Variants in ZNF737 observed in about 807,000 individuals in gnomAD.
ZNF737 encodes the protein zinc finger protein 737, also known as zinc finger protein 102 (Y3).
ZNF737 carries 13 observed loss-of-function variants against 11.7 expected under a neutral mutation model. The observed-to-expected ratio is 1.11, with a 90% confidence interval of 0.73 to 1.77. The LOEUF is 1.77. Ranked by LOEUF, ZNF737 falls within the 40% of genes most tolerant of loss-of-function variation. The pLI is 0.00. For synonymous variants in ZNF737, 217 were observed against 216.2 expected, an observed-to-expected ratio of 1.00 and a Z score of -0.03; for missense variants, 636 against 638.0, an observed-to-expected ratio of 1.00 and a Z score of 0.03.
At position 20,541,113 on chromosome 19, in the gene ZNF737, TTA is replaced by T. The variant is rs782104328; in HGVS notation, c.*3477_*3478del. On this transcript the variant is annotated 3_prime_UTR_variant, in exon 4 of 4. Transcript: ENST00000427401. ...AATCCGAATCACAGGCCAGAACATT[TTA>T]TATTAATAAATTCAATACAAAGCAG... 1.0e-3 allele frequency: 998 copies of T among 983,836 alleles called. No individual in the cohort carries two copies. Among genetic ancestry groups the T allele is most frequent in the Non-Finnish European group, 1.2e-3 (974 of 828,576 alleles). The allele number at this position is 983,836 out of a possible 1,614,324, so 60.9% of individuals were successfully genotyped here. A position where few individuals can be genotyped will look rare whatever the true frequency, so the allele number is the denominator to read the frequency against.
At chr19:20,536,130 T>G, downstream of ZNF737, 1 of 984,802 alleles carries the variant, frequency 1.0e-6, no homozygotes, top group Non-Finnish European at 1.2e-6. Context: ...GGACAGCCAC[T>G]TCTCTGCAAT....
At chr19:20,557,486 T>TAAAAAAAAAAAAA (rs35068430) in intron 1 of ZNF737, among the ~76,000 whole-genome samples, 1 of 135,982 alleles carries the variant, frequency 7.4e-6, no homozygotes. Context: ...TAAGCTTACC[T>TAAAAAAAAAAAAA]AAAAAAAAAA....
Position 20,547,115 on chromosome 19 carries a change from C to T in ZNF737, c.227-1139G>A, listed in dbSNP as rs574833409. ...ACAGTAACATGGCCAGGCATGGTGG[C>T]TCATGCCTGTAATCCCAGCACTTTT... On this transcript the variant is annotated intron_variant, in intron 3 of 3. Transcript: ENST00000427401. 1.3e-5 allele frequency among the ~76,000 whole-genome samples: 2 copies of T among 152,218 alleles called. 1 individual carries two copies. The highest frequency in any genetic ancestry group is 4.1e-4 in the South Asian group (2 of 4,822).
intron 1 of ZNF737, among the ~76,000 whole-genome samples, chr19:20,559,057 G>A (rs181983064): frequency 6.6e-6 from 1 of 152,238 alleles, no homozygotes; most frequent in Admixed American, 6.5e-5. Flanking sequence ...TTAAATGTAA[G>A]CTTAAAATTA....
Position 20,540,562 on chromosome 19 carries a change from C to T in ZNF737, c.*4030G>A, listed in dbSNP as rs1306722988. 1.3e-5 allele frequency among the ~76,000 whole-genome samples: 2 copies of T among 152,122 alleles called. No individual in the cohort carries two copies. The highest frequency in any genetic ancestry group is 6.6e-5 in the Admixed American group (1 of 15,266). On this transcript the variant is annotated 3_prime_UTR_variant, in exon 4 of 4. Coordinates refer to ENST00000427401, the MANE Select transcript of ZNF737 (RefSeq NM_001159293.2). ...GATCATGAGGCCAGGAGTTTGGGAC[C>T]AGCCTGGCCAACATGATGAAACCCT...
At chr19:20,550,961 C>T (rs1427028611) in intron 3 of ZNF737, 1 of 152,232 alleles carries the variant, frequency 6.6e-6, no homozygotes, top group African/African-American at 2.4e-5. Context: ...AACTCCCAGC[C>T]ACAGTCTGGC....
rs1555756428 is a variant in ZNF737 at position 20,545,065 on chromosome 19, A to C, written c.1138T>G (p.Trp380Gly). 6.2e-7 allele frequency: 1 copy of C among 1,611,096 alleles called. No homozygotes were observed. Among genetic ancestry groups the C allele is most frequent in the African/African-American group, 1.3e-5 (1 of 74,356 alleles). The change falls in exon 4 of 4, where the codon TGG becomes GGG. Residue 380 changes from tryptophan to glycine, a missense_variant. Trp to Gly is a radical substitution (Grantham distance 184). Coordinates refer to ENST00000427401, the MANE Select transcript of ZNF737 (RefSeq NM_001159293.2). The part of the protein sequence containing the change: ...KCEECGKAFN[W>G]SSHLTTHKRI... Reference sequence around the variant, plus strand: ...TTATGTGTAGTAAGGTGTGAGGACCAGTTGAAGGCTTTGCCACATTCTTCA... The same window carrying C: ...TTATGTGTAGTAAGGTGTGAGGACCCGTTGAAGGCTTTGCCACATTCTTCA...
chr19:20,549,964 A>T (rs1968607350), intron 3 of ZNF737, among the ~76,000 whole-genome samples: 1 of 151,998 alleles, frequency 6.6e-6, no homozygotes, highest in African/African-American at 2.4e-5. Context: ...GATAACTGCA[A>T]TATTTAACTG....
rs147149428 is a variant in ZNF737 at position 20,544,362 on chromosome 19, C to T, written c.*230G>A. On this transcript the variant is annotated 3_prime_UTR_variant, in exon 4 of 4. Transcript: ENST00000427401. ...AAACTCACAGGGTTTCTCTCCAGTACGAATTATCTTATGTCTAGTAAGGGC... is the reference window on the plus strand; with the variant it reads ...AAACTCACAGGGTTTCTCTCCAGTATGAATTATCTTATGTCTAGTAAGGGC... 4.6e-3 allele frequency: 6,057 copies of T among 1,325,734 alleles called. 20 individuals carry two copies. The highest frequency in any genetic ancestry group is 5.2e-3 in the Non-Finnish European group (5,439 of 1,038,472). 82.1% of individuals were successfully genotyped at this position (1,325,734 alleles called of 1,614,324 possible).
chr19:20,558,720 C>T lies in ZNF737; in HGVS notation c.4-4885G>A, dbSNP rs139893111. Among the ~76,000 whole-genome samples the T allele has an allele frequency of 3.2e-3, 489 of 152,284 alleles. 3 individuals are homozygous for T. Among genetic ancestry groups the T allele is most frequent in the African/African-American group, 0.011 (469 of 41,564 alleles). ...AAGCAGAATTAACCACTCTTATCAG[C>T]CTAACACAATTCTGCTCTGAACATC... On this transcript the variant is annotated intron_variant, in intron 1 of 3. Coordinates refer to ENST00000427401, the MANE Select transcript of ZNF737 (RefSeq NM_001159293.2).
At position 20,540,035 on chromosome 19, in the gene ZNF737, T is replaced by C; in HGVS notation, c.*4557A>G. 1.0e-6 allele frequency: 1 copy of C among 985,430 alleles called. No individual in the cohort carries two copies. The highest frequency in any genetic ancestry group is 1.2e-6 in the Non-Finnish European group (1 of 829,928). The allele number at this position is 985,430 out of a possible 1,614,324, so 61.0% of individuals were successfully genotyped here. On this transcript the variant is annotated 3_prime_UTR_variant, in exon 4 of 4. Coordinates refer to ENST00000427401, the MANE Select transcript of ZNF737 (RefSeq NM_001159293.2). ...CTATCCCAGATGAGAGGTGATTATT[T>C]CTTGAATGAATGAGATTCCCTTTTT...
rs1397152528 is a variant in ZNF737, at chr19:20,538,276, T to C, written c.*6316A>G. On this transcript the variant is annotated 3_prime_UTR_variant, in exon 4 of 4. Transcript: ENST00000427401. ...GCCTAAATATTTGCCCTGGCATGCTTATACTAATCCAAGCAAGCATTAGGT... is the reference window on the plus strand; with the variant it reads ...GCCTAAATATTTGCCCTGGCATGCTCATACTAATCCAAGCAAGCATTAGGT... 6.6e-6 allele frequency among the ~76,000 whole-genome samples: 1 copy of C among 152,240 alleles called. No individual in the cohort carries two copies. Among genetic ancestry groups the C allele is most frequent in the Non-Finnish European group, 1.5e-5 (1 of 68,044 alleles).
At chr19:20,549,519 C>T (rs938017680) in intron 3 of ZNF737, among the ~76,000 whole-genome samples, 4 of 151,050 alleles carry the variant, frequency 2.6e-5, no homozygotes, top group African/African-American at 9.7e-5. Flanking sequence ...TCCCAGCTAC[C>T]CAGGAGGTCA....
chr19:20,544,786 T>C lies in ZNF737; in HGVS notation c.1417A>G (p.Arg473Gly). Residue 473 changes from arginine (R) to glycine (G), a missense_variant, in exon 4 of 4, where the codon AGA becomes GGA. Coordinates refer to ENST00000427401, the MANE Select transcript of ZNF737 (RefSeq NM_001159293.2). ...TAGGGTTTCTCTCCAGTATGAATTCTCTTATGTGCAGTAAGGTGTGAGGAC... is the reference window on the plus strand; with the variant it reads ...TAGGGTTTCTCTCCAGTATGAATTCCCTTATGTGCAGTAAGGTGTGAGGAC... ...NSSSHLTAHKRIHTGEKPYKC... is the reference protein window; with the variant it reads ...NSSSHLTAHKGIHTGEKPYKC... The C allele has an allele frequency of 6.2e-7, 1 of 1,609,248 alleles. No homozygotes were observed. The highest frequency in any genetic ancestry group is 8.5e-7 in the Non-Finnish European group (1 of 1,178,092).
At position 20,540,885 on chromosome 19, in the gene ZNF737, T is replaced by C. The variant is rs1968176572; in HGVS notation, c.*3707A>G. 5 of 960,696 alleles carry C rather than the reference T, an allele frequency of 5.2e-6. No individual in the cohort carries two copies. Among genetic ancestry groups the C allele is most frequent in the Non-Finnish European group, 6.2e-6 (5 of 807,396 alleles). 59.5% of individuals were successfully genotyped at this position (960,696 alleles called of 1,614,324 possible). ...ATAACTATTTTTCTGGCTTAAATTA[T>C]TTTTTATGCACCATTTATACATTCA... is the stretch of plus-strand genomic sequence containing the variant. On this transcript the variant is annotated 3_prime_UTR_variant, in exon 4 of 4. Coordinates refer to ENST00000427401, the MANE Select transcript of ZNF737 (RefSeq NM_001159293.2).
At position 20,543,467 on chromosome 19, in the gene ZNF737, T is replaced by C; in HGVS notation, c.*1125A>G. The C allele has an allele frequency of 2.0e-6, 2 of 985,444 alleles. No individual in the cohort carries two copies. Among genetic ancestry groups the C allele is most frequent in the South Asian group, 9.4e-5 (2 of 21,292 alleles). The allele number at this position is 985,444 out of a possible 1,614,324, so 61.0% of individuals were successfully genotyped here. A position where few individuals can be genotyped will look rare whatever the true frequency, so the allele number is the denominator to read the frequency against. ...AGTAATTGCCATTTTAATGCTTTTA[T>C]TAAAAGGAAGATTTTTATGTTGAGT... is the stretch of plus-strand genomic sequence containing the variant. On this transcript the variant is annotated 3_prime_UTR_variant, in exon 4 of 4. Coordinates refer to ENST00000427401, the MANE Select transcript of ZNF737 (RefSeq NM_001159293.2).
At chr19:20,534,454 T>A (rs1555753424), downstream of ZNF737, among the ~76,000 whole-genome samples, 4 of 10,372 alleles carry the variant, frequency 3.9e-4, no homozygotes, top group African/African-American at 1.5e-3. Context: ...AAAGAAAAAA[T>A]ATCTATCTAT....
chr19:20,536,575 C>T (rs546895861), downstream of ZNF737, among the ~76,000 whole-genome samples: 21 of 151,982 alleles, frequency 1.4e-4, no homozygotes, highest in African/African-American at 3.6e-4. Flanking sequence ...TTTGAGAGGC[C>T]GAGGTGGGTA....
At chr19:20,535,901 TA>T, downstream of ZNF737, 1 of 184,968 alleles carries the variant, frequency 5.4e-6, no homozygotes, top group South Asian at 1.8e-4. Flanking sequence ...GGTACAATAA[TA>T]AAACAAACAA....
Sources: gnomAD v4.1 joint callset for allele counts (sites outside exome capture counted in the v4.1 genomes callset) on GRCh38, gnomAD v4.1.1 for gene constraint, MANE v1.5 for transcripts, NCBI Gene and HGNC (gene_info 2026-07-23, HGNC 2026-07-21) for gene names.